Variants in CACNB2 observed in about 807,000 individuals in gnomAD.
CACNB2 encodes the protein calcium voltage-gated channel auxiliary subunit beta 2.
A neutral mutation model predicts 73.3 loss-of-function variants in CACNB2; 42 were observed. The ratio of observed to expected loss-of-function variants is 0.57; its 90% CI spans 0.45 to 0.74. The LOEUF (loss-of-function observed/expected upper bound fraction) is 0.74, where lower values mean the gene tolerates loss of function less well. CACNB2 is among the 30% of genes least tolerant of loss of function. CACNB2 has a pLI of 0.00. For synonymous variants in CACNB2, 348 were observed against 310.3 expected (o/e 1.12, Z -1.28); for missense variants, 940 against 853.0 (o/e 1.10, Z -1.27).
chr10:18,221,938 A>G (rs1486687867), intron 2 of CACNB2, among the ~76,000 whole-genome samples: 2 of 152,212 alleles, frequency 1.3e-5, no homozygotes, highest in Non-Finnish European at 2.9e-5. Context: ...GTTTCTCTTT[A>G]TAGAAGTATT....
At chr10:18,262,055 A>AG in intron 2 of CACNB2, 1 of 518,450 alleles carries the variant, frequency 1.9e-6, no homozygotes, top group Non-Finnish European at 3.9e-6. Flanking sequence ...ATTTTCAGGA[A>AG]GGGTTGTAAA....
intron 2 of CACNB2, among the ~76,000 whole-genome samples, chr10:18,364,670 T>C (rs1214538168): frequency 6.6e-6 from 1 of 152,180 alleles, no homozygotes; most frequent in Non-Finnish European, 1.5e-5. Context: ...TCTTCTTTCA[T>C]CTCCTGCCTG....
In CACNB2 at chr10:18,539,263, G is replaced by T. The variant is rs759958799; in HGVS notation, c.1522G>T (p.Ala508Ser). ...AGGTGATCAGAGGACTGATCGCTCC[G>T]CTCCTATCCGTTCTGCTTCCCAAGC... is the stretch of plus-strand genomic sequence containing the variant. ...SQGDQRTDRS[A>S]PIRSASQAEE... is the part of the protein sequence containing the mutation. Residue 508 changes from alanine to serine, a missense_variant, in exon 14 of 14, where the codon GCT becomes TCT. Transcript: ENST00000324631. 6.2e-7 allele frequency: 1 copy of T among 1,613,954 alleles called. No homozygotes were observed. The highest frequency in any genetic ancestry group is 8.5e-7 in the Non-Finnish European group (1 of 1,179,980).
At chr10:18,311,873 A>G (rs1271726942) in intron 2 of CACNB2, among the ~76,000 whole-genome samples, 1 of 152,194 alleles carries the variant, frequency 6.6e-6, no homozygotes, top group African/African-American at 2.4e-5. Flanking sequence ...GGACCCCTAC[A>G]GTCACCTGAC....
At chr10:18,351,983 C>A (rs186342017) in intron 2 of CACNB2, among the ~76,000 whole-genome samples, 19 of 152,254 alleles carry the variant, frequency 1.2e-4, no homozygotes, top group Admixed American at 7.2e-4. Flanking sequence ...TCTCTCAAGG[C>A]GTGTTCAGAG....
intron 2 of CACNB2, among the ~76,000 whole-genome samples, chr10:18,183,487 T>C (rs1013410299): frequency 9.2e-5 from 14 of 152,188 alleles, no homozygotes; most frequent in African/African-American, 3.4e-4. Context: ...CAGTTCCACA[T>C]GGCTGGGGAG....
At chr10:18,438,114 T>C (rs937040206) in intron 3 of CACNB2, among the ~76,000 whole-genome samples, 1 of 142,760 alleles carries the variant, frequency 7.0e-6, no homozygotes, top group African/African-American at 2.6e-5. Flanking sequence ...GCCTCCCGGG[T>C]TCATGCCATT....
intron 3 of CACNB2, among the ~76,000 whole-genome samples, chr10:18,459,673 G>T (rs548334243): frequency 6.6e-6 from 1 of 152,140 alleles, no homozygotes; most frequent in South Asian, 2.1e-4. Context: ...GATATGTTAT[G>T]TAGTTATTTG....
At chr10:18,432,025 A>T (rs1377691581) in intron 3 of CACNB2, among the ~76,000 whole-genome samples, 1 of 152,224 alleles carries the variant, frequency 6.6e-6, no homozygotes. Flanking sequence ...AGTCTCCCAA[A>T]GAGCTGGGAT....
chr10:18,221,040 G>A (rs1299569066), intron 2 of CACNB2, among the ~76,000 whole-genome samples: 1 of 152,164 alleles, frequency 6.6e-6, no homozygotes, highest in Non-Finnish European at 1.5e-5. Flanking sequence ...TGGGGGCTGG[G>A]CAGTTCTGCC....
chr10:18,536,273 T>TGGG (rs150214686), intron 12 of CACNB2, 77 bp downstream of exon 12: 15 of 294,432 alleles, frequency 5.1e-5, no homozygotes, highest in Middle Eastern at 8.6e-4. Context: ...TTTTTTTTTT[T>TGGG]GGGGGACAAG....
Position 18,140,707 on chromosome 10 carries a change from GC to G in CACNB2, c.-29del, listed in dbSNP as rs766378745. 2.9e-5 allele frequency: 46 copies of G among 1,574,712 alleles called. 1 individual carries two copies. The South Asian group carries it at 3.9e-4, about 13-fold the overall frequency. On this transcript the variant is annotated 5_prime_UTR_variant, in exon 1 of 14. Coordinates refer to ENST00000324631, the MANE Select transcript of CACNB2 (RefSeq NM_201596.3). The stretch of plus-strand genomic sequence containing the variant: ...GGAGGGGACCCGCCGCCGGGGGCTG[GC>G]TGCTTCGCTCCGAGCCGACTTTTCG...
chr10:18,153,283 G>A (rs995852087), intron 2 of CACNB2, among the ~76,000 whole-genome samples: 1 of 152,032 alleles, frequency 6.6e-6, no homozygotes, highest in African/African-American at 2.4e-5. Flanking sequence ...ATGGCTTTTG[G>A]GGTAATGATT....
intron 3 of CACNB2, among the ~76,000 whole-genome samples, chr10:18,461,070 C>G (rs2047548795): frequency 1.3e-5 from 2 of 152,072 alleles, no homozygotes; most frequent in Admixed American, 1.3e-4. Context: ...GCTGGGATTA[C>G]AGTCATGCGC....
chr10:18,458,260 G>A (rs1274830026), intron 3 of CACNB2, among the ~76,000 whole-genome samples: 1 of 152,126 alleles, frequency 6.6e-6, no homozygotes, highest in Non-Finnish European at 1.5e-5. Flanking sequence ...TAAAAATAGT[G>A]AGATTCAAGT....
intron 3 of CACNB2, among the ~76,000 whole-genome samples, chr10:18,404,005 G>A (rs2044149936): frequency 6.6e-6 from 1 of 152,042 alleles, no homozygotes; most frequent in South Asian, 2.1e-4. Context: ...TAGCTCACAG[G>A]ATAAATGCTT....
chr10:18,421,963 T>C (rs2045348996), intron 3 of CACNB2, among the ~76,000 whole-genome samples: 2 of 152,178 alleles, frequency 1.3e-5, no homozygotes, highest in African/African-American at 4.8e-5. Flanking sequence ...GAAGCAGAGG[T>C]TGGGCAAATA....
At chr10:18,411,499 T>C (rs1416624049) in intron 3 of CACNB2, among the ~76,000 whole-genome samples, 5 of 146,338 alleles carry the variant, frequency 3.4e-5, no homozygotes, top group African/African-American at 1.3e-4. Flanking sequence ...AATTTGTGTC[T>C]TTGAGCATTT....
chr10:18,488,948 C>T (rs748643810), intron 3 of CACNB2, among the ~76,000 whole-genome samples: 28 of 151,482 alleles, frequency 1.8e-4, no homozygotes, highest in Middle Eastern at 3.4e-3. Flanking sequence ...GAGGCCAAGG[C>T]GGGTAGATCA....
Sources: allele counts gnomAD v4.1 joint callset (sites outside exome capture counted in the v4.1 genomes callset), GRCh38; gene constraint gnomAD v4.1.1; transcripts MANE v1.5; gene names NCBI Gene and HGNC (gene_info 2026-07-23, HGNC 2026-07-21).